Variants in MCM2 observed in about 807,000 individuals in gnomAD.
MCM2 encodes minichromosome maintenance complex component 2.
MCM2 carries 49 observed loss-of-function variants against 86.4 expected under a neutral mutation model. That is an observed-to-expected ratio of 0.57 (90% confidence interval 0.45 to 0.72). The LOEUF (loss-of-function observed/expected upper bound fraction) is 0.72. Ranked by LOEUF, MCM2 falls within the 30% of genes least tolerant of loss-of-function variation. The probability of loss-of-function intolerance (pLI) is 0.00; values close to 1 mark genes in which losing one functional copy is unlikely to be tolerated. For missense variants in MCM2, 1,038 were observed against 1,259.9 expected (o/e 0.82, Z 2.67); for synonymous variants, 475 against 484.6 (o/e 0.98, Z 0.26).
At chr3:127,615,185 G>C (rs968987747) in intron 8 of MCM2, among the ~76,000 whole-genome samples, 3 of 152,146 alleles carry the variant, frequency 2.0e-5, no homozygotes, top group African/African-American at 7.2e-5. Flanking sequence ...GCCAGTGCAG[G>C]GGGGTATGAA....
chr3:127,604,373 C>G (rs1240298321), intron 2 of MCM2: 6 of 497,958 alleles, frequency 1.2e-5, no homozygotes, highest in Non-Finnish European at 2.1e-5. Context: ...TGTGCCAGCA[C>G]GTGGCAGAAT....
rs778843320 is a variant in MCM2, at chr3:127,608,559, G to A, written c.1236+43G>A. On this transcript the variant is annotated intron_variant, in intron 7 of 15. Transcript: ENST00000265056. ...GCTGGGAGGGAGCCAAGTTGCAGAG[G>A]GAACTGGCAGAAGCAGTTGTGGCTG... 1.4e-5 allele frequency: 22 copies of A among 1,610,512 alleles called. No homozygotes were observed. The Admixed American group carries it at 2.8e-4, about 21-fold the overall frequency.
In MCM2 at chr3:127,604,979, G is replaced by C; in HGVS notation, c.496G>C (p.Glu166Gln). The change falls in exon 4 of 16, where the codon GAG becomes CAG. Residue 166 changes from glutamate (E) to glutamine (Q), a missense_variant. This residue lies in a region of MCM2 where 300 missense variants were observed against 307.4 expected (regional missense o/e 0.98). Transcript: ENST00000265056. ...CACGGAGGACGGCGAGGAGGACGAGGAGATGATCGAGAGCATCGAGAACCT... is the reference window on the plus strand; with the variant it reads ...CACGGAGGACGGCGAGGAGGACGAGCAGATGATCGAGAGCATCGAGAACCT... ...RATEDGEEDE[E>Q]MIESIENLED... 1 of 1,613,932 alleles carries C rather than the reference G, an allele frequency of 6.2e-7. No individual in the cohort carries two copies. Among genetic ancestry groups the C allele is most frequent in the South Asian group, 1.1e-5 (1 of 91,086 alleles).
In MCM2 at chr3:127,606,335, G is replaced by GAGGTGAGCTGAGGGC; in HGVS notation, c.893+6_893+20dup. 1 of 1,614,134 alleles carries GAGGTGAGCTGAGGGC rather than the reference G, an allele frequency of 6.2e-7. No individual in the cohort carries two copies. Among genetic ancestry groups the GAGGTGAGCTGAGGGC allele is most frequent in the Non-Finnish European group, 8.5e-7 (1 of 1,179,938 alleles). On this transcript the variant is annotated stop_gained and inframe_insertion and splice_region_variant, in exon 5 of 16. Coordinates refer to ENST00000265056, the MANE Select transcript of MCM2 (RefSeq NM_004526.4). LOFTEE classifies it high-confidence loss of function. This position sits in a 1 kb window ranked among gnomAD's most constrained non-coding sequence, Gnocchi z 4.2. ...CTCTGGTGGAGGAGCTGCGCTCGCT[G>GAGGTGAGCTGAGGGC]AGGTGAGCTGAGGGCAGGTGAGGAT...
chr3:127,601,892 T>C (rs2074308726), intron 2 of MCM2, among the ~76,000 whole-genome samples: 1 of 152,222 alleles, frequency 6.6e-6, no homozygotes, highest in Admixed American at 6.5e-5. Flanking sequence ...TGGCATCTCA[T>C]TCCTGATGGC....
intron 1 of MCM2, chr3:127,599,072 G>T (rs2074281893): frequency 8.7e-6 from 5 of 571,712 alleles, no homozygotes; most frequent in Non-Finnish European, 1.6e-5. Context: ...CGGTGATGTG[G>T]GTGACCCCGA....
Position 127,618,320 on chromosome 3 carries a change from A to G in MCM2, c.2013+239A>G, listed in dbSNP as rs376691847. Among the ~76,000 whole-genome samples, 20 of 151,430 alleles carry G rather than the reference A, an allele frequency of 1.3e-4. No individual in the cohort carries two copies. The East Asian group carries it at 3.7e-3, about 28-fold the overall frequency. ...CAATCCACCAAATCCTGTTGTCCCAACTCCTGAGCCTACCCACCTCCCTCA... is the reference window on the plus strand; with the variant it reads ...CAATCCACCAAATCCTGTTGTCCCAGCTCCTGAGCCTACCCACCTCCCTCA... On this transcript the variant is annotated intron_variant, in intron 12 of 15. Coordinates refer to ENST00000265056, the MANE Select transcript of MCM2 (RefSeq NM_004526.4). This position sits in a 1 kb window ranked among gnomAD's most constrained non-coding sequence, Gnocchi z 4.0.
At chr3:127,609,520 AGGCTGGTCTCAAACTCCT>A (rs1303026138) in intron 8 of MCM2, among the ~76,000 whole-genome samples, 1 of 151,944 alleles carries the variant, frequency 6.6e-6, no homozygotes, top group Admixed American at 6.6e-5. Context: ...TACGTTGTCC[AGGCTGGTCTCAAACTCCT>A]GGCTCAAGAT....
intron 15 of MCM2, 30 bp downstream of exon 15, chr3:127,621,258 G>A (rs762025196): frequency 1.9e-6 from 3 of 1,611,224 alleles, no homozygotes; most frequent in South Asian, 2.2e-5. Flanking sequence ...GTGAGGGTTG[G>A]GGTATGCTGA....
Position 127,606,070 on chromosome 3 carries a change from C to T in MCM2, c.674-48C>T. On this transcript the variant is annotated intron_variant, in intron 4 of 15. Transcript: ENST00000265056. This position sits in a 1 kb window ranked among gnomAD's most constrained non-coding sequence, Gnocchi z 4.2. ...CACACAGGCATTGTTGCAGCCCAGC[C>T]CAGGCCTCATGCTTAGTTAACTCTC... 6.8e-7 allele frequency: 1 copy of T among 1,470,338 alleles called. No individual in the cohort carries two copies. The highest frequency in any genetic ancestry group is 9.5e-7 in the Non-Finnish European group (1 of 1,050,884). 91.1% of individuals were successfully genotyped at this position (1,470,338 alleles called of 1,614,324 possible).
chr3:127,619,491 G>A (rs531476757), intron 13 of MCM2, among the ~76,000 whole-genome samples: 4 of 151,784 alleles, frequency 2.6e-5, no homozygotes, highest in Admixed American at 6.5e-5. Flanking sequence ...GATGTCAGGA[G>A]TTTGAGACCA....
chr3:127,621,197 T>C lies in MCM2; in HGVS notation c.2573T>C (p.Ile858Thr), dbSNP rs144122212. 426 of 1,614,120 alleles carry C rather than the reference T, an allele frequency of 2.6e-4. 1 individual carries two copies. In the African/African-American group the frequency reaches 5.0e-3, roughly 19 times the overall value. The change falls in exon 15 of 16, where the codon ATT becomes ACT. Residue 858 changes from isoleucine (I) to threonine (T), a missense_variant. Transcript: ENST00000265056. ...RNRFGAQQDT[I>T]EVPEKDLVDK... ...CGCTTTGGGGCCCAGCAGGACACTATTGAGGTCCCTGAGAAGGACTTGGTG... is the reference window on the plus strand; with the variant it reads ...CGCTTTGGGGCCCAGCAGGACACTACTGAGGTCCCTGAGAAGGACTTGGTG...
At position 127,604,781 on chromosome 3, in the gene MCM2, A is replaced by G. The variant is rs766538650; in HGVS notation, c.410A>G (p.Tyr137Cys). ...GGCCGCATGCGCCGTGGGCTCCTGT[A>G]TGGTAGGTCCAGTTGTCTGCCTGCC... ...GLGRMRRGLLYDSDEEDEERP... is the reference protein window; with the variant it reads ...GLGRMRRGLLCDSDEEDEERP... Residue 137 changes from tyrosine to cysteine, a missense_variant and splice_region_variant, in exon 3 of 16, where the codon TAT becomes TGT. Physicochemically the swap from Tyr to Cys is radical, Grantham distance 194 (BLOSUM62 -2). This residue lies in a region of MCM2 where 300 missense variants were observed against 307.4 expected (regional missense o/e 0.98). Coordinates refer to ENST00000265056, the MANE Select transcript of MCM2 (RefSeq NM_004526.4). 33 of 1,587,044 alleles carry G rather than the reference A, an allele frequency of 2.1e-5. 1 individual carries two copies. In the South Asian group the frequency reaches 2.8e-4, roughly 14 times the overall value.
At chr3:127,608,257 C>A in intron 6 of MCM2, 125 bp from the exon 7 acceptor site, 9 of 1,187,816 alleles carry the variant, frequency 7.6e-6, no homozygotes, top group Admixed American at 2.0e-5. Context: ...TCATTCCTTG[C>A]TGTCTTTGGC....
chr3:127,614,899 T>A (rs1164427988), intron 8 of MCM2, among the ~76,000 whole-genome samples: 1 of 152,234 alleles, frequency 6.6e-6, no homozygotes, highest in Non-Finnish European at 1.5e-5. Context: ...AGGCTTCTCT[T>A]GTACATTTCC....
Position 127,620,738 on chromosome 3 carries a change from C to G in MCM2, c.2306C>G (p.Ser769Cys), listed in dbSNP as rs752046802. Residue 769 changes from serine (S) to cysteine (C), a missense_variant, in exon 14 of 16, where the codon TCC becomes TGC. Ser to Cys is a moderately radical substitution (Grantham distance 112). This residue lies in a region of MCM2 where 336 missense variants were observed against 425.7 expected (regional missense o/e 0.79). Transcript: ENST00000265056. ...SIPITVRHIESMIRMAEAHAR... is the reference protein window; with the variant it reads ...SIPITVRHIECMIRMAEAHAR... The stretch of plus-strand genomic sequence containing the variant: ...CCCATTACGGTGCGGCACATCGAGT[C>G]CATGATCCGCATGGCGGAGGCCCAC... 15 of 1,612,074 alleles carry G rather than the reference C, an allele frequency of 9.3e-6. No individual in the cohort carries two copies. The South Asian group carries it at 1.4e-4, about 15-fold the overall frequency.
chr3:127,616,846 C>T (rs200753842), intron 9 of MCM2, 22 bp from the exon 10 acceptor site: 11 of 1,603,986 alleles, frequency 6.9e-6, no homozygotes, highest in Middle Eastern at 3.5e-4. Flanking sequence ...CCCCCTCCCC[C>T]GCTTCTACTC....
chr3:127,617,198 A>T lies in MCM2; in HGVS notation c.1773+80A>T. 1 of 1,605,936 alleles carries T rather than the reference A, an allele frequency of 6.2e-7. No homozygotes were observed. ...GGCCTTAGCGACGGGAATGGTGTTA[A>T]TGGGGTCCATTGGGACCTCATCGGA... On this transcript the variant is annotated intron_variant, in intron 10 of 15. Transcript: ENST00000265056. The surrounding 1 kb of genome is among the most constrained non-coding windows in gnomAD (Gnocchi z 4.1).
intron 2 of MCM2, among the ~76,000 whole-genome samples, chr3:127,603,235 G>A (rs1381424731): frequency 2.0e-5 from 3 of 152,166 alleles, no homozygotes; most frequent in African/African-American, 4.8e-5. Context: ...TCCTGACCTC[G>A]TGATCCGCCC....
Sources: gnomAD v4.1 joint callset for allele counts (sites outside exome capture counted in the v4.1 genomes callset) on GRCh38, gnomAD v4.1.1 for gene constraint, gnomAD v4.1.1 regional missense constraint, Gnocchi (gnomAD v3.1) non-coding constraint, MANE v1.5 for transcripts, NCBI Gene and HGNC (gene_info 2026-07-23, HGNC 2026-07-21) for gene names.